FAM120B: variants seen among roughly 807,000 people sequenced by gnomAD.
FAM120B encodes the protein family with sequence similarity 120 member B, also known as constitutive coactivator of peroxisome proliferator-activated receptor gamma.
In FAM120B, 83 loss-of-function variants were observed where a neutral mutation model predicts 96.3. The observed-to-expected ratio is 0.86, with a 90% CI of 0.72 to 1.03. The LOEUF (loss-of-function observed/expected upper bound fraction) is 1.03. FAM120B is among the 50% of genes least tolerant of loss of function. The probability of loss-of-function intolerance (pLI) is 0.00; values close to 1 mark genes in which losing one functional copy is unlikely to be tolerated. For missense variants in FAM120B, 1,027 were observed against 1,121.2 expected, an observed-to-expected ratio of 0.92 and a Z score of 1.20; for synonymous variants, 407 against 402.7, an observed-to-expected ratio of 1.01 and a Z score of -0.13.
At chr6:170,358,360 C>T in intron 6 of FAM120B, 42 bp downstream of exon 6, 1 of 1,343,132 alleles carries the variant, frequency 7.4e-7, no homozygotes, top group African/African-American at 1.4e-5. Context: ...CGGAAGACAG[C>T]TGTGCAGTCC....
chr6:170,352,264 C>T (rs1787629546), intron 5 of FAM120B, among the ~76,000 whole-genome samples: 1 of 152,196 alleles, frequency 6.6e-6, no homozygotes, highest in Non-Finnish European at 1.5e-5. Context: ...GCACCCAGTA[C>T]AGGAGCACCC....
intron 6 of FAM120B, among the ~76,000 whole-genome samples, chr6:170,364,442 C>T (rs1248529045): frequency 6.6e-6 from 1 of 152,166 alleles, no homozygotes; most frequent in Admixed American, 6.5e-5. Flanking sequence ...AGACTAATGC[C>T]CCTTTGAGGA....
In FAM120B at chr6:170,318,798, A is replaced by G; in HGVS notation, c.1408A>G (p.Arg470Gly). The G allele has an allele frequency of 1.2e-6, 2 of 1,614,212 alleles. No homozygotes were observed. Among genetic ancestry groups the G allele is most frequent in the South Asian group, 2.2e-5 (2 of 91,084 alleles). ...TCCCATGTATACAGGCCCTGAATCC[A>G]GGCAAGAAGTTCCCATGTATACAGG... ...EVPMYTGPES[R>G]QEVPMYTGPE... The change falls in exon 2 of 11, where the codon AGG (arginine) becomes GGG (glycine). Residue 470 changes from arginine (R) to glycine (G), a missense_variant. By Grantham distance (125) the Arg-to-Gly change is moderately radical. Transcript: ENST00000476287.
chr6:170,321,602 C>T (rs1039358028), intron 2 of FAM120B, among the ~76,000 whole-genome samples: 1 of 152,176 alleles, frequency 6.6e-6, no homozygotes, highest in African/African-American at 2.4e-5. Context: ...TGGCCTTGAA[C>T]TCCTGACCTC....
At chr6:170,328,112 A>T (rs1785727492) in intron 3 of FAM120B, among the ~76,000 whole-genome samples, 1 of 152,226 alleles carries the variant, frequency 6.6e-6, no homozygotes, top group African/African-American at 2.4e-5. Flanking sequence ...AATTTATTTA[A>T]CTTTTTGACT....
chr6:170,297,392 T>C (rs192961136), intron 1 of FAM120B, among the ~76,000 whole-genome samples: 32 of 152,316 alleles, frequency 2.1e-4, no homozygotes, highest in Middle Eastern at 6.8e-3. Context: ...GCTGCGTGCG[T>C]TCCATCCCAT....
At chr6:170,382,141 T>A (rs1354600947) in intron 6 of FAM120B, among the ~76,000 whole-genome samples, 1 of 152,032 alleles carries the variant, frequency 6.6e-6, no homozygotes, top group Non-Finnish European at 1.5e-5. Context: ...TAGAGCTAGG[T>A]GGGGTGTGGT....
chr6:170,357,597 G>A (rs918550432), intron 5 of FAM120B, among the ~76,000 whole-genome samples: 34 of 152,162 alleles, frequency 2.2e-4, no homozygotes, highest in Non-Finnish European at 4.7e-4. Flanking sequence ...TGCCAAAAGT[G>A]GATGATGACC....
rs114956623 is a variant in FAM120B, at chr6:170,315,068, C to T, written c.-21-2302C>T. Among the ~76,000 whole-genome samples the T allele has an allele frequency of 4.5e-3, 681 of 152,296 alleles. 3 individuals carry two copies. The highest frequency in any genetic ancestry group is 0.015 in the African/African-American group (636 of 41,566). On this transcript the variant is annotated intron_variant, in intron 1 of 10. Coordinates refer to ENST00000476287, the MANE Select transcript of FAM120B (RefSeq NM_032448.3). ...TGCAGTCAGGTTCAGTCCTCTGCTT[C>T]GACTGTATTCAAATGCTGTTCCTTG...
intron 6 of FAM120B, among the ~76,000 whole-genome samples, chr6:170,368,267 T>C (rs1000470266): frequency 3.3e-5 from 5 of 152,122 alleles, no homozygotes; most frequent in African/African-American, 1.2e-4. Context: ...AGGTTCCGAG[T>C]TCCACCATGC....
intron 8 of FAM120B, among the ~76,000 whole-genome samples, chr6:170,392,340 T>G (rs1191825299): frequency 6.6e-6 from 1 of 152,178 alleles, no homozygotes; most frequent in Admixed American, 6.5e-5. Context: ...CCCGAGCAGC[T>G]GGGACTACAG....
intron 1 of FAM120B, among the ~76,000 whole-genome samples, chr6:170,309,643 C>G (rs1443480238): frequency 6.6e-6 from 1 of 152,176 alleles, no homozygotes; most frequent in African/African-American, 2.4e-5. Context: ...AATACTGTTC[C>G]TATTAGGACT....
At chr6:170,369,871 A>T (rs1258044591) in intron 6 of FAM120B, among the ~76,000 whole-genome samples, 1 of 152,072 alleles carries the variant, frequency 6.6e-6, no homozygotes, top group Non-Finnish European at 1.5e-5. Flanking sequence ...TAGGTACTCA[A>T]TAATTAATTG....
At chr6:170,375,617 ACTCAT>A (rs754369760) in intron 6 of FAM120B, among the ~76,000 whole-genome samples, 3 of 152,208 alleles carry the variant, frequency 2.0e-5, no homozygotes, top group Non-Finnish European at 4.4e-5. Flanking sequence ...TAATCAGCAA[ACTCAT>A]TTATTCAGTA....
upstream of FAM120B, among the ~76,000 whole-genome samples, chr6:170,302,819 GGTGAAGCAGGAT>G (rs1484145779): frequency 6.6e-6 from 1 of 152,232 alleles, no homozygotes; most frequent in Non-Finnish European, 1.5e-5. Flanking sequence ...TGAAGCAGGA[GGTGAAGCAGGAT>G]GTGGATAATC....
rs373057225 is a variant in FAM120B at position 170,319,137 on chromosome 6, G to T, written c.1734+13G>T. The T allele has an allele frequency of 5.9e-6, 9 of 1,531,752 alleles. No homozygotes were observed. In the African/African-American group the frequency reaches 6.9e-5, roughly 12 times the overall value. The allele number at this position is 1,531,752 out of a possible 1,614,324, so 94.9% of individuals were successfully genotyped here. ...TGAAATCTTAAAGGTATGTGTATCT[G>T]CCCAGCCAATATGCCATGATTGAAA... On this transcript the variant is annotated intron_variant, in intron 2 of 10. Coordinates refer to ENST00000476287, the MANE Select transcript of FAM120B (RefSeq NM_032448.3).
At chr6:170,375,238 C>T (rs908636269) in intron 6 of FAM120B, among the ~76,000 whole-genome samples, 3 of 152,050 alleles carry the variant, frequency 2.0e-5, no homozygotes, top group East Asian at 1.9e-4. Flanking sequence ...TCTAAATAAC[C>T]GACTGTGGAA....
chr6:170,346,078 G>A (rs1020150517), intron 4 of FAM120B, among the ~76,000 whole-genome samples: 3 of 152,162 alleles, frequency 2.0e-5, no homozygotes, highest in African/African-American at 7.2e-5. Context: ...GTAAAAATAT[G>A]GTATTGTGAT....
At chr6:170,322,205 A>T (rs934442015) in intron 2 of FAM120B, among the ~76,000 whole-genome samples, 1 of 152,272 alleles carries the variant, frequency 6.6e-6, no homozygotes, top group African/African-American at 2.4e-5. Flanking sequence ...TGCCTGGCAC[A>T]TGGTTTTTCA....
Sources: gnomAD v4.1 joint callset for allele counts (sites outside exome capture counted in the v4.1 genomes callset) on GRCh38, gnomAD v4.1.1 for gene constraint, MANE v1.5 for transcripts, NCBI Gene and HGNC (gene_info 2026-07-23, HGNC 2026-07-21) for gene names.